UNC13C: variants seen among roughly 807,000 people sequenced by gnomAD.
The protein encoded by UNC13C is protein unc-13 homolog C.
UNC13C carries 174 observed loss-of-function variants against 245.4 expected under a neutral mutation model. The ratio of observed to expected loss-of-function variants is 0.71; its 90% CI spans 0.63 to 0.80. The LOEUF (loss-of-function observed/expected upper bound fraction) is 0.80. Among genes scored for constraint, UNC13C ranks in the 30% least tolerant of loss-of-function variants. The probability of loss-of-function intolerance (pLI) is 0.00; values close to 1 mark genes in which losing one functional copy is unlikely to be tolerated. For synonymous variants in UNC13C, 992 were observed against 895.1 expected, an observed-to-expected ratio of 1.11 and a Z score of -1.93; for missense variants, 2,829 against 2,602.9, an observed-to-expected ratio of 1.09 and a Z score of -1.89.
intron 8 of UNC13C, among the ~76,000 whole-genome samples, chr15:54,256,782 C>G (rs964881354): frequency 6.6e-6 from 1 of 152,134 alleles, no homozygotes; most frequent in Non-Finnish European, 1.5e-5. Flanking sequence ...TAAAAGAGAA[C>G]AATTATACTT....
At chr15:54,259,222 A>G (rs1042699148) in intron 8 of UNC13C, among the ~76,000 whole-genome samples, 1 of 152,258 alleles carries the variant, frequency 6.6e-6, no homozygotes, top group Admixed American at 6.5e-5. Flanking sequence ...GGATGCAAAC[A>G]TTCAGACTAC....
intron 4 of UNC13C, among the ~76,000 whole-genome samples, chr15:54,166,933 A>ATCC (rs1203944180): frequency 6.6e-6 from 1 of 152,190 alleles, no homozygotes; most frequent in Non-Finnish European, 1.5e-5. Context: ...ATTCAGTGCA[A>ATCC]TCCTACTCAA....
At position 54,627,009 on chromosome 15, in the gene UNC13C, G is replaced by A; in HGVS notation, c.6541G>A (p.Gly2181Ser). 2 of 1,613,320 alleles carry A rather than the reference G, an allele frequency of 1.2e-6. No homozygotes were observed. The highest frequency in any genetic ancestry group is 2.2e-5 in the East Asian group (1 of 44,830). The change falls in exon 33 of 33, where the codon GGT becomes AGT. Residue 2181 changes from glycine to serine, a missense_variant. Physicochemically the swap from Gly to Ser is moderately conservative, Grantham distance 56. Coordinates refer to ENST00000260323, the MANE Select transcript of UNC13C (RefSeq NM_001080534.3). Reference sequence around the variant, plus strand: ...GAAAAATATCTCTATGGATGAAACTGGTTTGACTATCCTTAGAATACTCTC... The same window carrying A: ...GAAAAATATCTCTATGGATGAAACTAGTTTGACTATCCTTAGAATACTCTC... ...LLKNISMDETGLTILRILSQR... is the reference protein window; with the variant it reads ...LLKNISMDETSLTILRILSQR...
Position 54,013,958 on chromosome 15 carries a change from C to T in UNC13C, c.1055C>T (p.Pro352Leu). Residue 352 changes from proline to leucine, a missense_variant, in exon 2 of 33, where the codon CCA becomes CTA. Pro to Leu is a moderately conservative substitution (Grantham distance 98, BLOSUM62 -3). Transcript: ENST00000260323. ...LIDKMGFSDAPNAIKIEFAQR... is the reference protein window; with the variant it reads ...LIDKMGFSDALNAIKIEFAQR... ...GATAAAATGGGTTTTTCAGATGCAC[C>T]AAATGCTATTAAAATTGAATTTGCT... The T allele has an allele frequency of 6.2e-7, 1 of 1,613,566 alleles. No homozygotes were observed. The highest frequency in any genetic ancestry group is 8.5e-7 in the Non-Finnish European group (1 of 1,179,796).
At chr15:54,593,774 C>A (rs181765577) in intron 30 of UNC13C, among the ~76,000 whole-genome samples, 1 of 152,084 alleles carries the variant, frequency 6.6e-6, no homozygotes, top group Non-Finnish European at 1.5e-5. Flanking sequence ...CAGGCTTTGC[C>A]TTTCTCTGGT....
At chr15:54,235,244 G>T in intron 5 of UNC13C, 136 bp downstream of exon 5, 3 of 600,880 alleles carry the variant, frequency 5.0e-6, no homozygotes, top group South Asian at 2.5e-5. Flanking sequence ...GATGCTACCT[G>T]CTGTTATATT....
intron 8 of UNC13C, among the ~76,000 whole-genome samples, chr15:54,254,361 T>G (rs1435202271): frequency 6.6e-6 from 1 of 152,238 alleles, no homozygotes; most frequent in Non-Finnish European, 1.5e-5. Context: ...ACATGTATCT[T>G]GGAAAGTTTT....
chr15:53,958,531 A>T, the UNC13C span, among the ~76,000 whole-genome samples: 3 of 152,154 alleles, frequency 2.0e-5, no homozygotes, highest in African/African-American at 7.2e-5. Context: ...ATTGAGGAGG[A>T]AACGGAGGAC....
chr15:54,060,517 G>A (rs1897767085), intron 2 of UNC13C, among the ~76,000 whole-genome samples: 1 of 152,212 alleles, frequency 6.6e-6, no homozygotes, highest in African/African-American at 2.4e-5. Context: ...TGCACTGTTG[G>A]TGGGACTGTA....
At chr15:54,260,181 G>T (rs970219402) in intron 8 of UNC13C, among the ~76,000 whole-genome samples, 6 of 152,146 alleles carry the variant, frequency 3.9e-5, no homozygotes, top group South Asian at 4.1e-4. Flanking sequence ...TATGCAGGTA[G>T]CTATGTCAAT....
intron 23 of UNC13C, among the ~76,000 whole-genome samples, chr15:54,511,231 A>C (rs867422839): frequency 2.6e-5 from 4 of 152,192 alleles, no homozygotes; most frequent in South Asian, 2.1e-4. Flanking sequence ...TCAAATAAGC[A>C]AGTAGGAAAA....
chr15:54,087,813 CAA>C (rs950548884), intron 2 of UNC13C, among the ~76,000 whole-genome samples: 3 of 152,122 alleles, frequency 2.0e-5, no homozygotes, highest in Non-Finnish European at 1.5e-5. Context: ...CAACAGTTAC[CAA>C]AGTTTTTGTC....
chr15:54,126,206 A>G (rs981614604), intron 2 of UNC13C, among the ~76,000 whole-genome samples: 5 of 152,158 alleles, frequency 3.3e-5, no homozygotes, highest in Non-Finnish European at 2.9e-5. Flanking sequence ...ATTAAAAAAC[A>G]TGCCTCAACT....
intron 17 of UNC13C, among the ~76,000 whole-genome samples, chr15:54,390,182 C>T (rs932399472): frequency 6.6e-6 from 1 of 152,184 alleles, no homozygotes; most frequent in Non-Finnish European, 1.5e-5. Context: ...ATAAGTTCCA[C>T]TAAGTTGAAG....
chr15:53,874,531 T>C, the UNC13C span, among the ~76,000 whole-genome samples: 2 of 152,288 alleles, frequency 1.3e-5, no homozygotes, highest in South Asian at 2.1e-4. Flanking sequence ...ATTATCCAAC[T>C]AGCTATTTTC....
At chr15:54,316,360 C>T (rs2038008858) in intron 13 of UNC13C, among the ~76,000 whole-genome samples, 1 of 151,798 alleles carries the variant, frequency 6.6e-6, no homozygotes, top group Non-Finnish European at 1.5e-5. Context: ...CTTTTCCATT[C>T]CTCTGGAATA....
intron 10 of UNC13C, among the ~76,000 whole-genome samples, chr15:54,279,640 C>G (rs2140913174): frequency 6.6e-6 from 1 of 152,254 alleles, no homozygotes; most frequent in African/African-American, 2.4e-5. Flanking sequence ...AGAAAGGATG[C>G]CAGGTGTCTA....
chr15:54,428,666 G>A (rs987963832), intron 19 of UNC13C, among the ~76,000 whole-genome samples: 2 of 151,658 alleles, frequency 1.3e-5, no homozygotes, highest in African/African-American at 4.8e-5. Context: ...CATGTGGAAG[G>A]TAGGTACCTA....
At chr15:54,036,671 C>T (rs1399928119) in intron 2 of UNC13C, among the ~76,000 whole-genome samples, 1 of 152,208 alleles carries the variant, frequency 6.6e-6, no homozygotes, top group Non-Finnish European at 1.5e-5. Flanking sequence ...GTTACCTCTC[C>T]TTAGCAGCAC....
Sources: allele counts gnomAD v4.1 joint callset (sites outside exome capture counted in the v4.1 genomes callset), GRCh38; gene constraint gnomAD v4.1.1; transcripts MANE v1.5; gene names NCBI Gene and HGNC (gene_info 2026-07-23, HGNC 2026-07-21).